The following ZFP37 variants were observed in gnomAD, a reference collection of about 807,000 sequenced individuals.
ZFP37 encodes ZFP37 zinc finger protein, also known as zinc finger protein 37 homolog.
Under a neutral mutation model 52.1 loss-of-function variants are expected in ZFP37, and 38 were observed. The observed-to-expected ratio is 0.73, with a 90% confidence interval of 0.56 to 0.96. The LOEUF (loss-of-function observed/expected upper bound fraction) is 0.96, where lower values mean the gene tolerates loss of function less well. Among genes scored for constraint, ZFP37 ranks in the 40% least tolerant of loss-of-function variants. The pLI is 0.00. For synonymous variants in ZFP37, 253 were observed against 259.5 expected (o/e 0.98, Z 0.24); for missense variants, 695 against 741.4 (o/e 0.94, Z 0.73).
chr9:113,044,072 T>G lies in ZFP37; in HGVS notation c.546A>C (p.Lys182Asn). Residue 182 changes from lysine to asparagine, a missense_variant, in exon 4 of 4, where the codon AAA (lysine) becomes AAC (asparagine). Transcript: ENST00000374227. ...KRLLKFESCG[K>N]ILKQNLDLPD... ...GTAAATCTAAATTCTGTTTCAAAATTTTTCCACATGACTCAAATTTAAGAA... is the reference window on the plus strand; with the variant it reads ...GTAAATCTAAATTCTGTTTCAAAATGTTTCCACATGACTCAAATTTAAGAA... 6.2e-7 allele frequency: 1 copy of G among 1,609,174 alleles called. No individual in the cohort carries two copies. The highest frequency in any genetic ancestry group is 2.2e-5 in the East Asian group (1 of 44,848).
At chr9:113,045,797 C>A (rs1307750880) in intron 3 of ZFP37, among the ~76,000 whole-genome samples, 1 of 152,104 alleles carries the variant, frequency 6.6e-6, no homozygotes, top group Admixed American at 6.5e-5. Context: ...TGTATAAAAA[C>A]CTATAATCTT....
At chr9:113,056,344 C>T (rs1011091094) in intron 1 of ZFP37, among the ~76,000 whole-genome samples, 1 of 152,176 alleles carries the variant, frequency 6.6e-6, no homozygotes, top group African/African-American at 2.4e-5. Flanking sequence ...GACGCCTCCC[C>T]ATCATTGTCT....
At chr9:113,047,785 G>C (rs1828984879) in intron 3 of ZFP37, among the ~76,000 whole-genome samples, 1 of 152,088 alleles carries the variant, frequency 6.6e-6, no homozygotes, top group South Asian at 2.1e-4. Flanking sequence ...ATAAAAACAG[G>C]GAAGATGAAA....
rs759093081 is a variant in ZFP37 at position 113,050,244 on chromosome 9, G to A, written c.133-372C>T. 1.3e-4 allele frequency among the ~76,000 whole-genome samples: 20 copies of A among 151,800 alleles called. 1 individual carries two copies. The highest frequency in any genetic ancestry group is 2.6e-4 in the Non-Finnish European group (18 of 67,954). ...TACAAGAAAATACAAAACGTAGCTG[G>A]GCATGGTGGTGCATGCCTGTAGTCC... On this transcript the variant is annotated intron_variant, in intron 1 of 3. Coordinates refer to ENST00000374227, the MANE Select transcript of ZFP37 (RefSeq NM_003408.3).
Position 113,056,554 on chromosome 9 carries a change from C to T in ZFP37, c.132+3G>A, listed in dbSNP as rs763945624. On this transcript the variant is annotated splice_donor_region_variant and intron_variant, in intron 1 of 3. Transcript: ENST00000374227. ...AAACACCCTGTCTCATCACAGCTCT[C>T]ACCGCGGCGCTGGCCTCGGGCTCGG... The T allele has an allele frequency of 6.2e-7, 1 of 1,613,388 alleles. No individual in the cohort carries two copies. The highest frequency in any genetic ancestry group is 1.1e-5 in the South Asian group (1 of 91,056).
rs771993569 is a variant in ZFP37 at position 113,042,788 on chromosome 9, GAA to G, written c.1828_1829del (p.Phe610GlnfsTer17). The G allele has an allele frequency of 1.7e-5, 27 of 1,609,312 alleles. No homozygotes were observed. The highest frequency in any genetic ancestry group is 2.2e-5 in the Non-Finnish European group (26 of 1,177,838). Reference protein sequence around the residue: ...PYECNECGKTFKQNASLTKHV... With the variant: ...PYECNECGKTXKQNASLTKHV... Reference sequence around the variant, plus strand: ...GTTTGGTTAGGGATGCATTTTGTTTGAAAGTTTTCCCACATTCATTACATTCA... The same window carrying G: ...GTTTGGTTAGGGATGCATTTTGTTTGAGTTTTCCCACATTCATTACATTCA... On this transcript the variant is annotated frameshift_variant, in exon 4 of 4. Coordinates refer to ENST00000374227, the MANE Select transcript of ZFP37 (RefSeq NM_003408.3). LOFTEE classifies it high-confidence loss of function.
In ZFP37 at chr9:113,040,498, G is replaced by A. The variant is rs1828828736; in HGVS notation, c.*2227C>T. 6.6e-6 allele frequency: 1 copy of A among 152,230 alleles called. No individual in the cohort carries two copies. The highest frequency in any genetic ancestry group is 1.5e-5 in the Non-Finnish European group (1 of 68,038). The allele number at this position is 152,230 out of a possible 1,614,324, so 9.4% of individuals were successfully genotyped here. A position where few individuals can be genotyped will look rare whatever the true frequency, so the allele number is the denominator to read the frequency against. ...TGAGTTGAGCTTTCAACCCGTGCAT[G>A]TGTATGCATGTGTGCACATGCACAT... On this transcript the variant is annotated 3_prime_UTR_variant, in exon 4 of 4. Transcript: ENST00000374227.
chr9:113,049,220 C>T (rs1829012782), intron 3 of ZFP37, 142 bp downstream of exon 3: 3 of 935,778 alleles, frequency 3.2e-6, no homozygotes, highest in Non-Finnish European at 4.7e-6. Context: ...GTTACAGAAT[C>T]TTTGTAGTTT....
rs530468343 is a variant in ZFP37, at chr9:113,042,899, A to C, written c.1719T>G (p.Tyr573Ter). The change falls in exon 4 of 4, where the codon TAT becomes TAG. Residue 573 changes from tyrosine (Y) to a stop codon, truncating the protein, a stop_gained. Transcript: ENST00000374227. LOFTEE classifies it high-confidence loss of function. ...AGGCTTTTTCACATTCGTTACATTC[A>C]TAAGGTTTCTCCCCAGTATGAGTTC... ...HQRTHTGEKP[Y>*]ECNECEKAFN... 2.5e-5 allele frequency: 41 copies of C among 1,613,948 alleles called. No homozygotes were observed. In the South Asian group the frequency reaches 4.4e-4, roughly 17 times the overall value.
Position 113,039,785 on chromosome 9 carries a change from T to C in ZFP37, c.*2940A>G. 1 of 152,196 alleles carries C rather than the reference T, an allele frequency of 6.6e-6. No individual in the cohort carries two copies. 9.4% of individuals were successfully genotyped at this position (152,196 alleles called of 1,614,324 possible). A position where few individuals can be genotyped will look rare whatever the true frequency, so the allele number is the denominator to read the frequency against. On this transcript the variant is annotated 3_prime_UTR_variant, in exon 4 of 4. Coordinates refer to ENST00000374227, the MANE Select transcript of ZFP37 (RefSeq NM_003408.3). ...TCAAAACTGTTAATAATAATTTACT[T>C]TTATGCCCCTTCATTTTCTTAAAGA...
intron 1 of ZFP37, among the ~76,000 whole-genome samples, chr9:113,050,770 A>G (rs1183576901): frequency 1.3e-5 from 2 of 152,020 alleles, no homozygotes; most frequent in East Asian, 3.9e-4. Context: ...GGTGGCAGGC[A>G]CCTGTAATTC....
At chr9:113,047,908 C>T (rs1022373506) in intron 3 of ZFP37, among the ~76,000 whole-genome samples, 2 of 152,136 alleles carry the variant, frequency 1.3e-5, no homozygotes, top group Non-Finnish European at 2.9e-5. Flanking sequence ...TGGAGCTGCC[C>T]ATTTGGAAGT....
At chr9:113,048,404 G>A (rs1019125207) in intron 3 of ZFP37, among the ~76,000 whole-genome samples, 8 of 152,108 alleles carry the variant, frequency 5.3e-5, no homozygotes, top group African/African-American at 1.2e-4. Flanking sequence ...GTAGGGTCTC[G>A]GAGTATGGGT....
At chr9:113,048,582 T>TCCTTGTGCCTGGACGCAGAGGCCTCCC (rs1295007342) in intron 3 of ZFP37, among the ~76,000 whole-genome samples, 1 of 152,080 alleles carries the variant, frequency 6.6e-6, no homozygotes, top group Non-Finnish European at 1.5e-5. Flanking sequence ...TGTGGCTATA[T>TCCTTGTGCCTGGACGCAGAGGCCTCCC]GGAAGGGTCA....
At chr9:113,050,015 G>A in intron 1 of ZFP37, 143 bp from the exon 2 acceptor site, 3 of 1,300,130 alleles carry the variant, frequency 2.3e-6, no homozygotes, top group Non-Finnish European at 3.1e-6. Flanking sequence ...ACTCACTGTT[G>A]ATCATGATAT....
Position 113,040,381 on chromosome 9 carries a change from C to T in ZFP37, c.*2344G>A, listed in dbSNP as rs1443560460. 3 of 152,170 alleles carry T rather than the reference C, an allele frequency of 2.0e-5. No individual in the cohort carries two copies. The highest frequency in any genetic ancestry group is 7.2e-5 in the African/African-American group (3 of 41,432). 9.4% of individuals were successfully genotyped at this position (152,170 alleles called of 1,614,324 possible). A position where few individuals can be genotyped will look rare whatever the true frequency, so the allele number is the denominator to read the frequency against. ...TTCTGTGCATAGTGCTATATTTCCA[C>T]TTGTTAAGAAATTACTGGTAGAAAT... On this transcript the variant is annotated 3_prime_UTR_variant, in exon 4 of 4. Transcript: ENST00000374227.
At chr9:113,046,149 TATAG>T (rs1302513248) in intron 3 of ZFP37, among the ~76,000 whole-genome samples, 2 of 150,250 alleles carry the variant, frequency 1.3e-5, no homozygotes, top group Non-Finnish European at 3.0e-5. Context: ...TGTCTATATA[TATAG>T]ACAGATATAT....
At chr9:113,047,226 G>A (rs1297424354) in intron 3 of ZFP37, among the ~76,000 whole-genome samples, 5 of 152,106 alleles carry the variant, frequency 3.3e-5, no homozygotes, top group Admixed American at 3.3e-4. Flanking sequence ...AACAAGAAAA[G>A]TAAGGATAGC....
intron 1 of ZFP37, among the ~76,000 whole-genome samples, chr9:113,051,360 G>T (rs1446142048): frequency 6.6e-6 from 1 of 152,050 alleles, no homozygotes; most frequent in Non-Finnish European, 1.5e-5. Flanking sequence ...GGAGAATTTT[G>T]ATACTAATAA....
Sources: gnomAD v4.1 joint callset for allele counts (sites outside exome capture counted in the v4.1 genomes callset) on GRCh38, gnomAD v4.1.1 for gene constraint, MANE v1.5 for transcripts, NCBI Gene and HGNC (gene_info 2026-07-23, HGNC 2026-07-21) for gene names.